The following THSD7B variants were observed in gnomAD, a reference collection of about 807,000 sequenced individuals.
THSD7B encodes thrombospondin type-1 domain-containing protein 7B.
In THSD7B, 138 loss-of-function variants were observed where a neutral mutation model predicts 213.6. The ratio of observed to expected loss-of-function variants is 0.65; its 90% CI spans 0.56 to 0.74. The LOEUF (loss-of-function observed/expected upper bound fraction) is 0.74, where lower values mean the gene tolerates loss of function less well. THSD7B is among the 30% of genes least tolerant of loss of function. The pLI is 0.00. For missense variants in THSD7B, 1,931 were observed against 1,991.5 expected (o/e 0.97, Z 0.58); for synonymous variants, 742 against 687.0 (o/e 1.08, Z -1.25).
At chr2:136,890,873 C>A (rs968309858) in intron 2 of THSD7B, among the ~76,000 whole-genome samples, 1 of 151,424 alleles carries the variant, frequency 6.6e-6, no homozygotes, top group African/African-American at 2.4e-5. Context: ...TTTTTTTATG[C>A]AATTTCCTCT....
rs138856794 is a variant in THSD7B, at chr2:137,475,477, C to A, written c.3138+24454C>A. On this transcript the variant is annotated intron_variant, in intron 15 of 27. Transcript: ENST00000409968. ...TATCCACTAACCAACCTCTCTTTAT[C>A]CCTCACATCTCCAGACCCTTCTCAG... Among the ~76,000 whole-genome samples the A allele has an allele frequency of 3.0e-3, 457 of 152,226 alleles. 1 individual carries two copies. Among genetic ancestry groups the A allele is most frequent in the South Asian group, 5.6e-3 (27 of 4,822 alleles).
At chr2:137,239,500 A>C (rs1681852594) in intron 9 of THSD7B, among the ~76,000 whole-genome samples, 1 of 152,206 alleles carries the variant, frequency 6.6e-6, no homozygotes, top group South Asian at 2.1e-4. Flanking sequence ...TGTGGATACA[A>C]GCAAATTCAA....
intron 1 of THSD7B, among the ~76,000 whole-genome samples, chr2:136,852,772 C>T (rs1215623116): frequency 1.3e-5 from 2 of 151,948 alleles, no homozygotes; most frequent in East Asian, 1.9e-4. Flanking sequence ...TTTATTTTTG[C>T]AGTGTCACAC....
chr2:137,022,958 C>G (rs770245140), intron 2 of THSD7B, among the ~76,000 whole-genome samples: 2 of 152,060 alleles, frequency 1.3e-5, no homozygotes, highest in African/African-American at 4.8e-5. Context: ...CAAAAATAGA[C>G]AGTGGGCCCA....
At chr2:137,066,812 C>T (rs2104887056) in intron 3 of THSD7B, among the ~76,000 whole-genome samples, 1 of 152,232 alleles carries the variant, frequency 6.6e-6, no homozygotes, top group South Asian at 2.1e-4. Flanking sequence ...TATTTTCCTA[C>T]TGATATTTCT....
At chr2:137,661,857 C>T (rs959081859) in intron 25 of THSD7B, among the ~76,000 whole-genome samples, 9 of 151,974 alleles carry the variant, frequency 5.9e-5, no homozygotes, top group Admixed American at 5.2e-4. Context: ...TGGGAGGGGC[C>T]GCATGCACAG....
chr2:137,225,574 T>G (rs1681477874), intron 7 of THSD7B, among the ~76,000 whole-genome samples: 1 of 152,124 alleles, frequency 6.6e-6, no homozygotes, highest in Non-Finnish European at 1.5e-5. Flanking sequence ...TTGAGAAAGT[T>G]TTTTAACTTC....
rs115376637 is a variant in THSD7B, at chr2:136,840,435, A to T, written c.-35-41709A>T. Among the ~76,000 whole-genome samples, 360 of 152,258 alleles carry T rather than the reference A, an allele frequency of 2.4e-3. 1 individual carries two copies. The highest frequency in any genetic ancestry group is 8.4e-3 in the African/African-American group (349 of 41,560). ...AAAGAAATCGCCAGTTCTCTTGGGTAGTTGCAGAGCATGTCAGGGTTCCCA... is the reference window on the plus strand; with the variant it reads ...AAAGAAATCGCCAGTTCTCTTGGGTTGTTGCAGAGCATGTCAGGGTTCCCA... On this transcript the variant is annotated intron_variant, in intron 1 of 27. Transcript: ENST00000409968.
chr2:136,989,971 T>G (rs1484549673), intron 2 of THSD7B, among the ~76,000 whole-genome samples: 1 of 152,214 alleles, frequency 6.6e-6, no homozygotes, highest in Non-Finnish European at 1.5e-5. Flanking sequence ...CTTTCTTTAT[T>G]CTGTGTATCT....
intron 15 of THSD7B, among the ~76,000 whole-genome samples, chr2:137,512,774 T>C (rs1347373314): frequency 6.6e-6 from 1 of 152,140 alleles, no homozygotes; most frequent in Non-Finnish European, 1.5e-5. Context: ...GTAGGTACAA[T>C]TATAAATCCT....
At chr2:137,242,057 TC>T (rs1279939179) in intron 9 of THSD7B, among the ~76,000 whole-genome samples, 1 of 152,206 alleles carries the variant, frequency 6.6e-6, no homozygotes, top group African/African-American at 2.4e-5. Flanking sequence ...TCTTTTATAA[TC>T]CTTTCTTTTG....
chr2:137,157,810 A>T (rs528765504), intron 5 of THSD7B, among the ~76,000 whole-genome samples: 38 of 152,312 alleles, frequency 2.5e-4, no homozygotes, highest in African/African-American at 9.1e-4. Flanking sequence ...AAATGAATTA[A>T]TGTTGATAAG....
chr2:137,140,890 C>T (rs753249677), intron 5 of THSD7B, among the ~76,000 whole-genome samples: 3 of 151,978 alleles, frequency 2.0e-5, no homozygotes, highest in South Asian at 2.1e-4. Flanking sequence ...TAATAATAAA[C>T]GAATGAGTAA....
chr2:136,815,534 T>C (rs886863525), intron 1 of THSD7B, among the ~76,000 whole-genome samples: 2 of 152,244 alleles, frequency 1.3e-5, no homozygotes, highest in African/African-American at 4.8e-5. Flanking sequence ...TAGATGCTTT[T>C]TCCCCCTTGA....
intron 1 of THSD7B, among the ~76,000 whole-genome samples, chr2:136,843,497 T>C (rs951470170): frequency 6.6e-6 from 1 of 152,172 alleles, no homozygotes; most frequent in Non-Finnish European, 1.5e-5. Context: ...TTTTTTACCA[T>C]TCAAGAGAAG....
At chr2:137,287,537 T>A (rs1683214881) in intron 12 of THSD7B, among the ~76,000 whole-genome samples, 1 of 152,116 alleles carries the variant, frequency 6.6e-6, no homozygotes, top group South Asian at 2.1e-4. Context: ...CACACTTTTT[T>A]AAATTGATGA....
intron 10 of THSD7B, among the ~76,000 whole-genome samples, chr2:137,243,132 T>A (rs1681951304): frequency 1.3e-5 from 2 of 152,228 alleles, no homozygotes; most frequent in African/African-American, 4.8e-5. Flanking sequence ...TCCAGGATAC[T>A]TAACAGCAAA....
chr2:136,999,988 T>C (rs1001481195), intron 2 of THSD7B, among the ~76,000 whole-genome samples: 1 of 152,148 alleles, frequency 6.6e-6, no homozygotes, highest in East Asian at 1.9e-4. Context: ...AAGAATTTCA[T>C]TAGACAGTTC....
At chr2:137,329,147 C>T (rs1297223525) in intron 12 of THSD7B, among the ~76,000 whole-genome samples, 1 of 152,142 alleles carries the variant, frequency 6.6e-6, no homozygotes, top group Non-Finnish European at 1.5e-5. Flanking sequence ...TTAAAATTTC[C>T]TAGAGACTTG....
Sources: allele counts gnomAD v4.1 joint callset (sites outside exome capture counted in the v4.1 genomes callset), GRCh38; gene constraint gnomAD v4.1.1; transcripts MANE v1.5; gene names NCBI Gene and HGNC (gene_info 2026-07-23, HGNC 2026-07-21).